MICU2: variants seen among roughly 807,000 people sequenced by gnomAD.
The protein encoded by MICU2 is mitochondrial calcium uptake 2, also known as calcium uptake protein 2, mitochondrial.
MICU2 carries 64 observed loss-of-function variants against 60.4 expected under a neutral mutation model. That is an observed-to-expected ratio of 1.06 (90% CI 0.87 to 1.31). The LOEUF (loss-of-function observed/expected upper bound fraction) is 1.31, where lower values mean the gene tolerates loss of function less well. MICU2 is among the 50% of genes most tolerant of loss of function. The pLI, the probability that MICU2 is intolerant of heterozygous loss-of-function variation, is 0.00. For missense variants in MICU2, 569 were observed against 531.0 expected (o/e 1.07, Z -0.70); for synonymous variants, 201 against 175.0 (o/e 1.15, Z -1.17).
intron 5 of MICU2, among the ~76,000 whole-genome samples, chr13:21,521,912 C>T (rs1165248900): frequency 4.6e-5 from 7 of 152,090 alleles, no homozygotes; most frequent in Admixed American, 1.3e-4. Context: ...CAAGTAGTTG[C>T]GACTACAGGT....
In MICU2 at chr13:21,542,568, G is replaced by A. The variant is rs541234951; in HGVS notation, c.359-2880C>T. Reference sequence around the variant, plus strand: ...ACTTATGTATGAAAATAACAGAATGGGGCAAAAAACAGGAAAAAAGATCTA... The same window carrying A: ...ACTTATGTATGAAAATAACAGAATGAGGCAAAAAACAGGAAAAAAGATCTA... On this transcript the variant is annotated intron_variant, in intron 2 of 11. Transcript: ENST00000382374. Among the ~76,000 whole-genome samples, 4 of 151,952 alleles carry A rather than the reference G, an allele frequency of 2.6e-5. No homozygotes were observed. The South Asian group carries it at 6.2e-4, about 24-fold the overall frequency.
intron 2 of MICU2, among the ~76,000 whole-genome samples, chr13:21,542,033 G>A (rs1436115347): frequency 1.1e-4 from 17 of 151,148 alleles, no homozygotes; most frequent in African/African-American, 4.1e-4. Flanking sequence ...TTCATTTTTA[G>A]ATTAAAAAAA....
chr13:21,520,760 GT>G (rs1377891370), intron 6 of MICU2, among the ~76,000 whole-genome samples: 1 of 151,368 alleles, frequency 6.6e-6, no homozygotes, highest in Non-Finnish European at 1.5e-5. Context: ...ATTTAAACAC[GT>G]TTTCAGCTCT....
At chr13:21,596,165 C>T (rs907102289) in intron 1 of MICU2, among the ~76,000 whole-genome samples, 2 of 152,168 alleles carry the variant, frequency 1.3e-5, no homozygotes, top group Non-Finnish European at 2.9e-5. Flanking sequence ...TTCAGTGCTA[C>T]TTCTGCTTAA....
chr13:21,581,040 G>A (rs1237924809), intron 1 of MICU2, among the ~76,000 whole-genome samples: 1 of 152,216 alleles, frequency 6.6e-6, no homozygotes, highest in East Asian at 1.9e-4. Flanking sequence ...GAAGGTAACA[G>A]CAGGTAAAAA....
intron 4 of MICU2, chr13:21,530,621 A>G: frequency 3.7e-6 from 1 of 267,500 alleles, no homozygotes. Context: ...TGATAGTTAG[A>G]AAGATTATCT....
chr13:21,508,429 C>A (rs1886347994), intron 8 of MICU2, among the ~76,000 whole-genome samples: 1 of 152,172 alleles, frequency 6.6e-6, no homozygotes, highest in Non-Finnish European at 1.5e-5. Context: ...CGGCCCAAGG[C>A]TCTTATTTCT....
chr13:21,522,708 G>A, intron 4 of MICU2, 58 bp from the exon 5 acceptor site: 1 of 1,208,640 alleles, frequency 8.3e-7, no homozygotes, highest in East Asian at 2.5e-5. Context: ...AATATATAGA[G>A]ACATTAACAT....
At chr13:21,512,419 T>G (rs1886453482) in intron 7 of MICU2, among the ~76,000 whole-genome samples, 1 of 151,948 alleles carries the variant, frequency 6.6e-6, no homozygotes, top group Non-Finnish European at 1.5e-5. Context: ...CTCTTGACAG[T>G]GTCCTCTGAT....
At chr13:21,597,719 CAGG>C (rs1888724909) in intron 1 of MICU2, among the ~76,000 whole-genome samples, 1 of 152,038 alleles carries the variant, frequency 6.6e-6, no homozygotes, top group South Asian at 2.1e-4. Context: ...ATCACGAGGT[CAGG>C]AGATTGAGAC....
intron 1 of MICU2, among the ~76,000 whole-genome samples, chr13:21,594,700 A>G (rs1888655045): frequency 6.6e-6 from 1 of 152,224 alleles, no homozygotes; most frequent in Admixed American, 6.5e-5. Context: ...ATGCAGCCAT[A>G]AAAGGGAATG....
chr13:21,548,649 G>T (rs1887470615), intron 2 of MICU2, among the ~76,000 whole-genome samples: 1 of 152,198 alleles, frequency 6.6e-6, no homozygotes, highest in South Asian at 2.1e-4. Context: ...TGTGGAAAGA[G>T]GACTGTCTCC....
At chr13:21,588,275 T>C (rs1008178372) in intron 1 of MICU2, among the ~76,000 whole-genome samples, 1 of 152,216 alleles carries the variant, frequency 6.6e-6, no homozygotes, top group African/African-American at 2.4e-5. Context: ...AAATATTCCA[T>C]CCACACGTTA....
At chr13:21,527,182 T>G (rs1886880428) in intron 4 of MICU2, among the ~76,000 whole-genome samples, 1 of 152,230 alleles carries the variant, frequency 6.6e-6, no homozygotes, top group Non-Finnish European at 1.5e-5. Flanking sequence ...GGAGAATAAA[T>G]TAAATGTGTT....
At chr13:21,518,738 G>A in intron 6 of MICU2, among the ~76,000 whole-genome samples, 1 of 152,116 alleles carries the variant, frequency 6.6e-6, no homozygotes, top group East Asian at 1.9e-4. Context: ...TCAATTTCTT[G>A]TCCCTGAGGT....
At chr13:21,587,980 A>G (rs1888494642) in intron 1 of MICU2, among the ~76,000 whole-genome samples, 1 of 152,186 alleles carries the variant, frequency 6.6e-6, no homozygotes, top group Non-Finnish European at 1.5e-5. Flanking sequence ...ACATGAAGAC[A>G]TCCAACTTAA....
At chr13:21,556,139 T>C (rs765994422) in intron 2 of MICU2, among the ~76,000 whole-genome samples, 13 of 152,140 alleles carry the variant, frequency 8.5e-5, no homozygotes, top group Non-Finnish European at 1.6e-4. Context: ...AAACCCACTC[T>C]AGTCAGGCTT....
chr13:21,517,341 G>A (rs904445676), intron 6 of MICU2, among the ~76,000 whole-genome samples: 7 of 152,250 alleles, frequency 4.6e-5, no homozygotes, highest in East Asian at 1.9e-4. Context: ...TACTTTTGTA[G>A]TACATATATG....
At chr13:21,579,172 T>C (rs968111622) in intron 1 of MICU2, among the ~76,000 whole-genome samples, 4 of 152,206 alleles carry the variant, frequency 2.6e-5, no homozygotes, top group South Asian at 2.1e-4. Flanking sequence ...CCAAAACAGG[T>C]AGTTTACCAG....
Sources: gnomAD v4.1 joint callset for allele counts (sites outside exome capture counted in the v4.1 genomes callset) on GRCh38, gnomAD v4.1.1 for gene constraint, MANE v1.5 for transcripts, NCBI Gene and HGNC (gene_info 2026-07-23, HGNC 2026-07-21) for gene names.